ALG12: variants seen among roughly 807,000 people sequenced by gnomAD.
ALG12 encodes the protein ALG12 alpha-1,6-mannosyltransferase, also known as dol-P-Man:Man(7)GlcNAc(2)-PP-Dol alpha-1,6-mannosyltransferase.
A neutral mutation model predicts 46.0 loss-of-function variants in ALG12; 36 were observed. The observed-to-expected ratio is 0.78, with a 90% CI of 0.60 to 1.03. The LOEUF is 1.03. ALG12 is among the 50% of genes least tolerant of loss of function. The pLI, the probability that ALG12 is intolerant of heterozygous loss-of-function variation, is 0.00. For synonymous variants in ALG12, 326 were observed against 291.6 expected (o/e 1.12, Z -1.20); for missense variants, 599 against 633.5 (o/e 0.95, Z 0.58).
chr22:49,903,798 C>T lies in ALG12; in HGVS notation c.*40G>A. On this transcript the variant is annotated 3_prime_UTR_variant, in exon 10 of 10. Transcript: ENST00000330817. ...CCAGAAACTGGTAGTGATAACAGCT[C>T]CTGGAAGGCCTGTGGCTGCTGAGGG... is the stretch of plus-strand genomic sequence containing the variant. 6.3e-7 allele frequency: 1 copy of T among 1,599,828 alleles called. No homozygotes were observed.
In ALG12 at chr22:49,903,832, TC is replaced by T; in HGVS notation, c.*5del. The stretch of plus-strand genomic sequence containing the variant: ...CCTGTGGCTGCTGAGGGCTGCCTGG[TC>T]CCCCTCAGGACGGCCGGGGGAGCCT... On this transcript the variant is annotated 3_prime_UTR_variant, in exon 10 of 10. Coordinates refer to ENST00000330817, the MANE Select transcript of ALG12 (RefSeq NM_024105.4). The T allele has an allele frequency of 6.2e-7, 1 of 1,613,944 alleles. No homozygotes were observed. Among genetic ancestry groups the T allele is most frequent in the Non-Finnish European group, 8.5e-7 (1 of 1,179,884 alleles).
chr22:49,881,128 G>A, the ALG12 span, among the ~76,000 whole-genome samples: 3 of 151,972 alleles, frequency 2.0e-5, no homozygotes, highest in Admixed American at 6.6e-5. Flanking sequence ...GGTGGATCAC[G>A]TGAGGTCAGG....
chr22:49,876,386 G>T, the ALG12 span, among the ~76,000 whole-genome samples: 2 of 152,140 alleles, frequency 1.3e-5, no homozygotes, highest in Admixed American at 6.6e-5. Flanking sequence ...ATCTCCATCC[G>T]TGATGGTGAC....
Position 49,902,354 on chromosome 22 carries a change from A to T in ALG12, c.*1484T>A, listed in dbSNP as rs1368746327. 2 of 106,064 alleles carry T rather than the reference A, an allele frequency of 1.9e-5. No homozygotes were observed. Among genetic ancestry groups the T allele is most frequent in the Non-Finnish European group, 3.6e-5 (2 of 54,936 alleles). 6.6% of individuals were successfully genotyped at this position (106,064 alleles called of 1,614,324 possible). On this transcript the variant is annotated 3_prime_UTR_variant, in exon 10 of 10. Transcript: ENST00000330817. ...CACGTGTGCACTGTGTGTGGTGTGTATGCATGGTGTGTGCACGTGTGCACG... is the reference window on the plus strand; with the variant it reads ...CACGTGTGCACTGTGTGTGGTGTGTTTGCATGGTGTGTGCACGTGTGCACG...
At chr22:49,885,588 T>G in the ALG12 span, 3 of 1,605,588 alleles carry the variant, frequency 1.9e-6, no homozygotes, top group East Asian at 6.7e-5. Context: ...CCTCTTTTGA[T>G]GACACCAATG....
the ALG12 span, chr22:49,884,807 A>C: frequency 1.2e-5 from 20 of 1,609,984 alleles, no homozygotes; most frequent in African/African-American, 2.3e-4. Context: ...CCGGTCAGAG[A>C]GTCCCCTTCG....
intron 3 of ALG12, among the ~76,000 whole-genome samples, chr22:49,913,098 G>A (rs1245467130): frequency 6.6e-6 from 1 of 152,206 alleles, no homozygotes; most frequent in Non-Finnish European, 1.5e-5. Flanking sequence ...GGTGAGGCGG[G>A]AGCAGCAGGC....
At chr22:49,913,267 G>A (rs1217461077) in intron 3 of ALG12, 118 bp downstream of exon 3, 6 of 1,504,018 alleles carry the variant, frequency 4.0e-6, no homozygotes, top group South Asian at 2.3e-5. Flanking sequence ...CACGGTGATC[G>A]AGGGCAGGCA....
the ALG12 span, among the ~76,000 whole-genome samples, chr22:49,872,436 C>T: frequency 4.6e-4 from 70 of 152,328 alleles, no homozygotes; most frequent in African/African-American, 1.7e-3. Flanking sequence ...AGTCTGAGCC[C>T]CTCAGAGTCA....
rs2060530690 is a variant in ALG12, at chr22:49,904,241, G to A, written c.1176C>T (p.His392=). The A allele has an allele frequency of 6.2e-7, 1 of 1,613,980 alleles. No individual in the cohort carries two copies. The highest frequency in any genetic ancestry group is 8.5e-7 in the Non-Finnish European group (1 of 1,179,986). The part of the protein sequence containing the change: ...LVPPQTDVLL[H]IDVAAAQTGV... Reference sequence around the variant, plus strand: ...CTGTCTGGGCGGCTGCCACGTCAATGTGCAGAAGGACGTCTAGGAAAACCA... The same window carrying A: ...CTGTCTGGGCGGCTGCCACGTCAATATGCAGAAGGACGTCTAGGAAAACCA... The change falls in exon 9 of 10, where the codon CAC becomes CAT. Residue 392 remains histidine (H), a synonymous_variant. Coordinates refer to ENST00000330817, the MANE Select transcript of ALG12 (RefSeq NM_024105.4).
the ALG12 span, among the ~76,000 whole-genome samples, chr22:49,872,110 C>G: frequency 7.9e-5 from 12 of 152,184 alleles, no homozygotes. Context: ...AAGAGTTCTC[C>G]ATAGTGTACA....
the ALG12 span, chr22:49,884,085 G>A: frequency 1.2e-5 from 19 of 1,612,176 alleles, no homozygotes; most frequent in Non-Finnish European, 1.5e-5. Context: ...ACTGTGTGAA[G>A]GAGTTCAGCA....
chr22:49,869,254 G>T, the ALG12 span, among the ~76,000 whole-genome samples: 5 of 152,206 alleles, frequency 3.3e-5, no homozygotes, highest in African/African-American at 4.8e-5. Flanking sequence ...ATGCATGTTG[G>T]TGTGTGTGTT....
intron 1 of ALG12, among the ~76,000 whole-genome samples, chr22:49,915,918 T>TA (rs1165395855): frequency 1.3e-5 from 2 of 152,152 alleles, no homozygotes; most frequent in African/African-American, 4.8e-5. Context: ...AAGAAATCGG[T>TA]AAAAACTCCT....
At chr22:49,860,967 T>C in the ALG12 span, among the ~76,000 whole-genome samples, 19 of 145,066 alleles carry the variant, frequency 1.3e-4, no homozygotes, top group Non-Finnish European at 2.7e-4. Flanking sequence ...TTAGTAGAGA[T>C]GGGGTTTCAC....
At chr22:49,912,259 A>T (rs1180451445) in intron 3 of ALG12, among the ~76,000 whole-genome samples, 1 of 152,220 alleles carries the variant, frequency 6.6e-6, no homozygotes. Context: ...TAGTGGGATC[A>T]GGAAGGACAC....
rs56810176 is a variant in ALG12, at chr22:49,909,501, G to C, written c.665-154C>G. On this transcript the variant is annotated intron_variant, in intron 5 of 9. Coordinates refer to ENST00000330817, the MANE Select transcript of ALG12 (RefSeq NM_024105.4). Reference sequence around the variant, plus strand: ...AGATTGCTGGAGCCTAGGAGTTCAAGGTTGCAGTGGGCCATGATCATGCCA... The same window carrying C: ...AGATTGCTGGAGCCTAGGAGTTCAACGTTGCAGTGGGCCATGATCATGCCA... Among the ~76,000 whole-genome samples, 16,619 of 152,186 alleles carry C rather than the reference G, an allele frequency of 0.11. 1,221 individuals are homozygous for C. Among genetic ancestry groups the C allele is most frequent in the African/African-American group, 0.2 (8,407 of 41,486 alleles).
At chr22:49,860,465 G>T in the ALG12 span, among the ~76,000 whole-genome samples, 1 of 152,214 alleles carries the variant, frequency 6.6e-6, no homozygotes, top group Non-Finnish European at 1.5e-5. Flanking sequence ...ACTCCTGTAA[G>T]AAAACTGCTT....
At chr22:49,895,053 G>A in the ALG12 span, among the ~76,000 whole-genome samples, 1 of 152,232 alleles carries the variant, frequency 6.6e-6, no homozygotes. Flanking sequence ...CTGATGGAGG[G>A]AGAGGGGAGG....
Sources: gnomAD v4.1 joint callset for allele counts (sites outside exome capture counted in the v4.1 genomes callset) on GRCh38, gnomAD v4.1.1 for gene constraint, MANE v1.5 for transcripts, NCBI Gene and HGNC (gene_info 2026-07-23, HGNC 2026-07-21) for gene names.